The following CRTAP variants were observed in gnomAD, a reference collection of about 807,000 sequenced individuals.
CRTAP encodes cartilage associated protein.
In CRTAP, 33 loss-of-function variants were observed where a neutral mutation model predicts 42.7. That is an observed-to-expected ratio of 0.77 (90% CI 0.59 to 1.03). The LOEUF (loss-of-function observed/expected upper bound fraction) is 1.03. CRTAP is among the 50% of genes least tolerant of loss of function. CRTAP has a pLI of 0.00. For missense variants in CRTAP, 613 were observed against 533.9 expected, an observed-to-expected ratio of 1.15 and a Z score of -1.46; for synonymous variants, 243 against 217.7, an observed-to-expected ratio of 1.12 and a Z score of -1.02.
rs2030606537 is a variant in CRTAP, at chr3:33,142,529, G to A, written c.*81G>A. 1.5e-6 allele frequency: 2 copies of A among 1,342,900 alleles called. No individual in the cohort carries two copies. The highest frequency in any genetic ancestry group is 4.6e-5 in the East Asian group (2 of 43,562). 83.2% of individuals were successfully genotyped at this position (1,342,900 alleles called of 1,614,324 possible). A position where few individuals can be genotyped will look rare whatever the true frequency, so the allele number is the denominator to read the frequency against. On this transcript the variant is annotated 3_prime_UTR_variant, in exon 7 of 7. Transcript: ENST00000320954. Reference sequence around the variant, plus strand: ...CCTTTTCCCAACAGCCCAGGCTGTTGATACCTCAGAGCCTTCTCTTTACTC... The same window carrying A: ...CCTTTTCCCAACAGCCCAGGCTGTTAATACCTCAGAGCCTTCTCTTTACTC...
chr3:33,134,115 C>T, intron 5 of CRTAP, 67 bp from the exon 6 acceptor site: 2 of 1,081,008 alleles, frequency 1.9e-6, no homozygotes, highest in South Asian at 1.2e-5. Flanking sequence ...TATCCTGTTC[C>T]TCCCTCCTCC....
intron 4 of CRTAP, 113 bp downstream of exon 4, chr3:33,130,180 A>T: frequency 9.5e-7 from 1 of 1,054,962 alleles, no homozygotes. Flanking sequence ...GTCCACTGAC[A>T]ACCCTGGTGC....
intron 1 of CRTAP, among the ~76,000 whole-genome samples, chr3:33,117,188 C>T (rs1003391532): frequency 6.6e-6 from 1 of 152,188 alleles, no homozygotes; most frequent in African/African-American, 2.4e-5. Context: ...TACATTCTAC[C>T]TGGCACCTGA....
chr3:33,119,863 G>A (rs58864038), intron 1 of CRTAP, among the ~76,000 whole-genome samples: 27,966 of 152,150 alleles, frequency 0.18, 3,786 homozygotes, highest in East Asian at 0.58. Flanking sequence ...GATTGAAACC[G>A]GGAAGGAGGG....
intron 2 of CRTAP, among the ~76,000 whole-genome samples, chr3:33,121,921 C>G (rs749857430): frequency 5.3e-5 from 8 of 152,132 alleles, no homozygotes; most frequent in Non-Finnish European, 1.0e-4. Context: ...TAGCTCCATG[C>G]CTTACCCCAG....
chr3:33,133,003 A>G lies in CRTAP; in HGVS notation c.1068+303A>G, dbSNP rs62250517. On this transcript the variant is annotated intron_variant, in intron 5 of 6. Transcript: ENST00000320954. ...TGAGGCAGAAGAATCGCTTGAACCC[A>G]GGGGCAGAGGTTGCTGTGAGCCGAG... Among the ~76,000 whole-genome samples the G allele has an allele frequency of 0.76, 114,982 of 151,186 alleles. 44,230 individuals are homozygous for G. Among genetic ancestry groups the G allele is most frequent in the East Asian group, 0.96 (4,920 of 5,104 alleles).
At chr3:33,114,629 G>T (rs1184573639) in intron 1 of CRTAP, 81 bp downstream of exon 1, 4 of 1,361,120 alleles carry the variant, frequency 2.9e-6, no homozygotes, top group Non-Finnish European at 4.0e-6. Flanking sequence ...CCTGCGCCCG[G>T]GGCCGCGTTG....
intron 4 of CRTAP, among the ~76,000 whole-genome samples, chr3:33,130,383 T>G (rs1229107573): frequency 6.6e-6 from 1 of 152,246 alleles, no homozygotes; most frequent in Admixed American, 6.5e-5. Context: ...ATGTGAAATG[T>G]CTGGGGTATT....
rs143118518 is a variant in CRTAP at position 33,133,382 on chromosome 3, C to G, written c.1068+682C>G. On this transcript the variant is annotated intron_variant, in intron 5 of 6. Transcript: ENST00000320954. ...CAAGCGATTCTCTTGCCTTAGCCTC[C>G]CGAGTAGCTGGGATTACAGGCGTGC... Among the ~76,000 whole-genome samples, 256 of 151,868 alleles carry G rather than the reference C, an allele frequency of 1.7e-3. 2 individuals carry two copies. Among genetic ancestry groups the G allele is most frequent in the African/African-American group, 6.0e-3 (249 of 41,374 alleles).
chr3:33,135,989 A>T (rs1173987587), intron 6 of CRTAP, among the ~76,000 whole-genome samples: 2 of 152,162 alleles, frequency 1.3e-5, no homozygotes, highest in African/African-American at 4.8e-5. Flanking sequence ...GAACATTTTT[A>T]TTGCCCCCAA....
chr3:33,131,825 G>T (rs539399066), intron 4 of CRTAP, among the ~76,000 whole-genome samples: 4 of 152,076 alleles, frequency 2.6e-5, no homozygotes, highest in Non-Finnish European at 5.9e-5. Flanking sequence ...CCAAGCTTTG[G>T]CTTCTCCGGC....
chr3:33,114,686 GGTCTCCTCCAAGTCCT>G, intron 1 of CRTAP, 138 bp downstream of exon 1: 1 of 760,284 alleles, frequency 1.3e-6, no homozygotes, highest in Non-Finnish European at 2.1e-6. Flanking sequence ...CCCTGCCAAA[GGTCTCCTCCAAGTCCT>G]GTCTCCTTCT....
chr3:33,118,512 T>C (rs1701374291), intron 1 of CRTAP, among the ~76,000 whole-genome samples: 1 of 152,230 alleles, frequency 6.6e-6, no homozygotes, highest in African/African-American at 2.4e-5. Flanking sequence ...ACTTCTCTGA[T>C]GTGGCCACTG....
At chr3:33,129,535 CTTTTTTTTTT>C (rs753545426) in intron 3 of CRTAP, among the ~76,000 whole-genome samples, 4 of 115,732 alleles carry the variant, frequency 3.5e-5, no homozygotes, top group South Asian at 3.0e-4. Context: ...TTTTCTTTTT[CTTTTTTTTTT>C]TTTTTTTTTG....
chr3:33,125,546 T>C (rs980363664), intron 3 of CRTAP, among the ~76,000 whole-genome samples: 4 of 120,560 alleles, frequency 3.3e-5, no homozygotes, highest in Non-Finnish European at 5.1e-5. Flanking sequence ...TATGGAAAAT[T>C]TCAAACATAC....
At chr3:33,122,730 AAAG>A (rs1270307082) in intron 2 of CRTAP, among the ~76,000 whole-genome samples, 3 of 119,036 alleles carry the variant, frequency 2.5e-5, no homozygotes, top group Non-Finnish European at 3.8e-5. Flanking sequence ...AAAAAAAAAA[AAAG>A]AAGAAGAAAA....
chr3:33,143,723 T>C lies in CRTAP; in HGVS notation c.*1275T>C, dbSNP rs74465242. ...AAATCCTGGAGATGAGGCTGCAGTTTTAAATGGGGCCTCACTGGGAATGTG... is the reference window on the plus strand; with the variant it reads ...AAATCCTGGAGATGAGGCTGCAGTTCTAAATGGGGCCTCACTGGGAATGTG... On this transcript the variant is annotated 3_prime_UTR_variant, in exon 7 of 7. Transcript: ENST00000320954. 1 of 152,120 alleles carries C rather than the reference T, an allele frequency of 6.6e-6. No individual in the cohort carries two copies. The highest frequency in any genetic ancestry group is 1.9e-4 in the East Asian group (1 of 5,164). The allele number at this position is 152,120 out of a possible 1,614,324, so 9.4% of individuals were successfully genotyped here.
At chr3:33,117,746 G>A (rs2125597494) in intron 1 of CRTAP, among the ~76,000 whole-genome samples, 1 of 152,304 alleles carries the variant, frequency 6.6e-6, no homozygotes, top group East Asian at 1.9e-4. Flanking sequence ...AGGCAAGGTG[G>A]TTCCCTCCAT....
chr3:33,140,230 T>G (rs893018778), intron 6 of CRTAP, among the ~76,000 whole-genome samples: 3 of 152,228 alleles, frequency 2.0e-5, no homozygotes, highest in Admixed American at 6.5e-5. Context: ...TTGCTCATAG[T>G]CACACAGAGG....
Sources: allele counts gnomAD v4.1 joint callset (sites outside exome capture counted in the v4.1 genomes callset), GRCh38; gene constraint gnomAD v4.1.1; transcripts MANE v1.5; gene names NCBI Gene and HGNC (gene_info 2026-07-23, HGNC 2026-07-21).